PDGFD: variants seen among roughly 807,000 people sequenced by gnomAD.
The protein encoded by PDGFD is platelet-derived growth factor D.
PDGFD carries 30 observed loss-of-function variants against 44.7 expected under a neutral mutation model. That is an observed-to-expected ratio of 0.67 (90% CI 0.50 to 0.91). The LOEUF is 0.91. Ranked by LOEUF, PDGFD falls within the 40% of genes least tolerant of loss-of-function variation. PDGFD has a pLI of 0.00. For synonymous variants in PDGFD, 173 were observed against 168.4 expected (o/e 1.03, Z -0.21); for missense variants, 445 against 457.8 (o/e 0.97, Z 0.25).
At chr11:104,141,605 A>C (rs1862086843) in intron 1 of PDGFD, among the ~76,000 whole-genome samples, 2 of 152,272 alleles carry the variant, frequency 1.3e-5, no homozygotes, top group South Asian at 4.1e-4. Flanking sequence ...GAACCAAAAA[A>C]AATGTGGCTG....
chr11:104,115,870 T>C (rs1861629073), intron 1 of PDGFD, among the ~76,000 whole-genome samples: 1 of 152,096 alleles, frequency 6.6e-6, no homozygotes, highest in Non-Finnish European at 1.5e-5. Flanking sequence ...CTTAGCCCAC[T>C]TTTTGATGGG....
chr11:104,124,488 C>T (rs1251090628), intron 1 of PDGFD, among the ~76,000 whole-genome samples: 16 of 152,186 alleles, frequency 1.1e-4, no homozygotes. Flanking sequence ...CCCTCATCTT[C>T]ACCACGTGTA....
At chr11:104,075,853 G>C (rs1215705563) in intron 1 of PDGFD, among the ~76,000 whole-genome samples, 1 of 152,074 alleles carries the variant, frequency 6.6e-6, no homozygotes, top group African/African-American at 2.4e-5. Context: ...AAGTAGCGCT[G>C]AACACCGGAA....
chr11:104,035,812 C>T (rs1860222589), intron 1 of PDGFD, among the ~76,000 whole-genome samples: 1 of 152,032 alleles, frequency 6.6e-6, no homozygotes, highest in African/African-American at 2.4e-5. Context: ...GGAGTGAGAC[C>T]ACTTTGCACC....
At chr11:104,152,984 G>T (rs1009843767) in intron 1 of PDGFD, among the ~76,000 whole-genome samples, 1 of 152,102 alleles carries the variant, frequency 6.6e-6, no homozygotes, top group Non-Finnish European at 1.5e-5. Flanking sequence ...CACTGTGCAT[G>T]CATTTCAGGC....
chr11:104,144,379 G>A (rs377391732), intron 1 of PDGFD, among the ~76,000 whole-genome samples: 2 of 151,706 alleles, frequency 1.3e-5, no homozygotes, highest in African/African-American at 4.8e-5. Flanking sequence ...GGTGGCACAC[G>A]CCTGTAATCC....
In PDGFD at chr11:103,909,614, TG is replaced by T; in HGVS notation, c.*79del. ...GCAGGCTAGTAGTAAGTTTGGTTGCTGGTAGGAAAAGGGTCTCTTATCTCAC... is the reference window on the plus strand; with the variant it reads ...GCAGGCTAGTAGTAAGTTTGGTTGCTGTAGGAAAAGGGTCTCTTATCTCAC... On this transcript the variant is annotated 3_prime_UTR_variant, in exon 7 of 7. Coordinates refer to ENST00000393158, the MANE Select transcript of PDGFD (RefSeq NM_025208.5). 1 of 1,554,844 alleles carries T rather than the reference TG, an allele frequency of 6.4e-7. No individual in the cohort carries two copies. The highest frequency in any genetic ancestry group is 8.8e-7 in the Non-Finnish European group (1 of 1,133,154).
At chr11:104,121,320 A>G (rs1261980192) in intron 1 of PDGFD, among the ~76,000 whole-genome samples, 2 of 152,002 alleles carry the variant, frequency 1.3e-5, no homozygotes, top group Non-Finnish European at 2.9e-5. Context: ...TCGTGAAGTA[A>G]TTTTCACTAA....
At chr11:103,997,511 TAAG>T (rs1341102652) in intron 2 of PDGFD, among the ~76,000 whole-genome samples, 2 of 152,184 alleles carry the variant, frequency 1.3e-5, no homozygotes, top group Non-Finnish European at 2.9e-5. Flanking sequence ...ATGGATAAAA[TAAG>T]AAGGCTTATA....
chr11:103,915,723 T>C (rs1858112959), intron 6 of PDGFD, among the ~76,000 whole-genome samples: 1 of 152,176 alleles, frequency 6.6e-6, no homozygotes, highest in Non-Finnish European at 1.5e-5. Flanking sequence ...CAAAACTGCA[T>C]GGTACTGGTA....
intron 6 of PDGFD, among the ~76,000 whole-genome samples, chr11:103,917,842 A>G (rs1269101802): frequency 6.6e-6 from 1 of 152,108 alleles, no homozygotes; most frequent in East Asian, 1.9e-4. Flanking sequence ...CCCCATGTGA[A>G]CCGGCAGGGA....
chr11:103,917,764 A>T (rs1347542539), intron 6 of PDGFD, among the ~76,000 whole-genome samples: 1 of 152,148 alleles, frequency 6.6e-6, no homozygotes, highest in Non-Finnish European at 1.5e-5. Flanking sequence ...AGCTCCTAGC[A>T]TATTCTGACT....
At chr11:103,975,459 A>C (rs962741800) in intron 3 of PDGFD, among the ~76,000 whole-genome samples, 1 of 151,970 alleles carries the variant, frequency 6.6e-6, no homozygotes, top group African/African-American at 2.4e-5. Flanking sequence ...CACTCTGATG[A>C]TAGTTTCTTT....
intron 1 of PDGFD, among the ~76,000 whole-genome samples, chr11:104,144,335 T>C (rs1419805718): frequency 6.6e-6 from 1 of 151,790 alleles, no homozygotes; most frequent in East Asian, 1.9e-4. Context: ...GGTGAAACCC[T>C]GTCTTACTAA....
intron 1 of PDGFD, among the ~76,000 whole-genome samples, chr11:104,122,172 A>C (rs998292276): frequency 2.0e-5 from 3 of 148,764 alleles, no homozygotes; most frequent in African/African-American, 7.5e-5. Flanking sequence ...GCAAGCTGGA[A>C]GCTTGCACAG....
At chr11:103,943,262 C>T (rs1440956378) in intron 5 of PDGFD, among the ~76,000 whole-genome samples, 190 bp downstream of exon 5, 1 of 152,222 alleles carries the variant, frequency 6.6e-6, no homozygotes. Flanking sequence ...CTCACTGGAA[C>T]ATTTTGGAGT....
chr11:104,153,729 T>C (rs1862272430), intron 1 of PDGFD, among the ~76,000 whole-genome samples: 1 of 152,204 alleles, frequency 6.6e-6, no homozygotes, highest in African/African-American at 2.4e-5. Flanking sequence ...GAGAGTTTAA[T>C]TACCAGTGTG....
At chr11:104,028,191 G>GAAAA (rs36060540) in intron 1 of PDGFD, among the ~76,000 whole-genome samples, 6 of 116,142 alleles carry the variant, frequency 5.2e-5, no homozygotes, top group Admixed American at 9.2e-5. Flanking sequence ...CTCCGTCAAA[G>GAAAA]AAAAAAAAAA....
chr11:104,105,315 T>C (rs1421581554), intron 1 of PDGFD, among the ~76,000 whole-genome samples: 1 of 152,210 alleles, frequency 6.6e-6, no homozygotes, highest in Non-Finnish European at 1.5e-5. Context: ...ACACAGTTCA[T>C]TGTATCATGT....
Sources: allele counts gnomAD v4.1 joint callset (sites outside exome capture counted in the v4.1 genomes callset), GRCh38; gene constraint gnomAD v4.1.1; transcripts MANE v1.5; gene names NCBI Gene and HGNC (gene_info 2026-07-23, HGNC 2026-07-21).